Variants in KLRG1 observed in about 807,000 individuals in gnomAD.
KLRG1 encodes the protein killer cell lectin like receptor G1.
Under a neutral mutation model 21.8 loss-of-function variants are expected in KLRG1, and 16 were observed. The observed-to-expected ratio is 0.73, with a 90% CI of 0.50 to 1.11. KLRG1 has a LOEUF of 1.11. KLRG1 is among the 50% of genes most tolerant of loss of function. The pLI is 0.00. For synonymous variants in KLRG1, 69 were observed against 75.9 expected (o/e 0.91, Z 0.47); for missense variants, 173 against 218.3 (o/e 0.79, Z 1.31).
At chr12:8,971,747 T>A (rs978920290) in intron 1 of KLRG1, among the ~76,000 whole-genome samples, 1 of 152,198 alleles carries the variant, frequency 6.6e-6, no homozygotes. Context: ...TGCCTCGGCC[T>A]CCCAAAGTGC....
intron 1 of KLRG1, among the ~76,000 whole-genome samples, chr12:8,982,265 G>A (rs1946766455): frequency 6.6e-6 from 1 of 152,192 alleles, no homozygotes; most frequent in African/African-American, 2.4e-5. Flanking sequence ...AACAATAAAA[G>A]CAGAGGTTGG....
At chr12:9,196,361 T>C in the KLRG1 span, 17 of 1,612,826 alleles carry the variant, frequency 1.1e-5, no homozygotes, top group Non-Finnish European at 1.4e-5. Flanking sequence ...TTGTCTAAAG[T>C]GTGAATCCAC....
chr12:9,094,974 A>G, the KLRG1 span: 4 of 1,516,750 alleles, frequency 2.6e-6, no homozygotes, highest in Non-Finnish European at 2.7e-6. Context: ...TTTGTTTACC[A>G]TAAAAACCTA....
the KLRG1 span, among the ~76,000 whole-genome samples, chr12:9,021,492 C>G: frequency 6.6e-6 from 1 of 151,418 alleles, no homozygotes; most frequent in African/African-American, 2.4e-5. Context: ...CCTCCGCCTC[C>G]TGGGTTCAAG....
At chr12:9,152,300 T>A in the KLRG1 span, 1 of 1,612,658 alleles carries the variant, frequency 6.2e-7, no homozygotes, top group South Asian at 1.1e-5. Flanking sequence ...GCAGGACGGT[T>A]TCCTGTGTAA....
At chr12:9,189,464 C>T in the KLRG1 span, among the ~76,000 whole-genome samples, 1 of 152,118 alleles carries the variant, frequency 6.6e-6, no homozygotes, top group African/African-American at 2.4e-5. Flanking sequence ...ACTGGATCCC[C>T]GCCTTACACA....
intron 3 of KLRG1, among the ~76,000 whole-genome samples, chr12:9,002,910 TACACAC>T (rs59706974): frequency 3.8e-4 from 55 of 144,698 alleles, no homozygotes; most frequent in East Asian, 8.0e-4. Flanking sequence ...CTCTTTCTAA[TACACAC>T]ACACACACAC....
the KLRG1 span, among the ~76,000 whole-genome samples, chr12:9,040,436 G>C: frequency 2.0e-5 from 3 of 152,246 alleles, no homozygotes; most frequent in African/African-American, 7.2e-5. Context: ...TGATGGTTTG[G>C]ATCTATAAGA....
At chr12:9,095,138 G>C in the KLRG1 span, 2 of 898,874 alleles carry the variant, frequency 2.2e-6, no homozygotes, top group South Asian at 4.2e-5. Flanking sequence ...AATATACATA[G>C]GTAGCTACTT....
chr12:9,150,417 G>A, the KLRG1 span, among the ~76,000 whole-genome samples: 2 of 152,044 alleles, frequency 1.3e-5, no homozygotes, highest in African/African-American at 2.4e-5. Context: ...ATAGTAGCTG[G>A]GATTACAGGC....
At chr12:8,953,072 C>A (rs1207824369) in intron 1 of KLRG1, among the ~76,000 whole-genome samples, 1 of 151,618 alleles carries the variant, frequency 6.6e-6, no homozygotes, top group African/African-American at 2.4e-5. Flanking sequence ...AACCCCCAGG[C>A]CTCACTTGAC....
At chr12:9,058,473 T>A in the KLRG1 span, 1 of 152,184 alleles carries the variant, frequency 6.6e-6, no homozygotes, top group Non-Finnish European at 1.5e-5. Context: ...ATATATGTTT[T>A]AATATAAACA....
chr12:8,994,802 G>A (rs148971399), intron 2 of KLRG1, among the ~76,000 whole-genome samples: 2 of 152,298 alleles, frequency 1.3e-5, no homozygotes, highest in East Asian at 3.9e-4. Flanking sequence ...TGTGCACAGA[G>A]ATCTCTAGCA....
chr12:9,169,109 A>G, the KLRG1 span: 1 of 633,722 alleles, frequency 1.6e-6, no homozygotes, highest in Non-Finnish European at 2.7e-6. Flanking sequence ...CAGTAAATAT[A>G]GAGTAGTGAA....
the KLRG1 span, chr12:9,079,315 C>T: frequency 2.5e-6 from 4 of 1,613,514 alleles, no homozygotes; most frequent in Non-Finnish European, 2.5e-6. Flanking sequence ...GTTTGTAGTT[C>T]AACTGTCTCT....
the KLRG1 span, chr12:9,079,573 T>A: frequency 6.8e-7 from 1 of 1,469,008 alleles, no homozygotes; most frequent in Non-Finnish European, 9.4e-7. Context: ...CATAAGTAAC[T>A]GAAACCTACT....
At chr12:9,109,874 C>A in the KLRG1 span, 1 of 1,599,128 alleles carries the variant, frequency 6.3e-7, no homozygotes, top group Non-Finnish European at 8.5e-7. Context: ...TACCAAATTC[C>A]TCCACGGTGA....
At chr12:9,158,371 G>A in the KLRG1 span, 1 of 1,602,204 alleles carries the variant, frequency 6.2e-7, no homozygotes, top group Non-Finnish European at 8.5e-7. Context: ...ACCCCTGGGG[G>A]ATGTTATGTT....
the KLRG1 span, among the ~76,000 whole-genome samples, chr12:9,170,779 C>T: frequency 2.0e-5 from 3 of 152,186 alleles, no homozygotes; most frequent in Admixed American, 6.5e-5. This position sits in a 1 kb window ranked among gnomAD's most constrained non-coding sequence, Gnocchi z 4.6. Flanking sequence ...TCCTCCTCAT[C>T]GAGTGGGACC....
Sources: gnomAD v4.1 joint callset for allele counts (sites outside exome capture counted in the v4.1 genomes callset) on GRCh38, gnomAD v4.1.1 for gene constraint, Gnocchi (gnomAD v3.1) non-coding constraint, MANE v1.5 for transcripts, NCBI Gene and HGNC (gene_info 2026-07-23, HGNC 2026-07-21) for gene names.